Variants in ARFGEF3 observed in about 807,000 individuals in gnomAD.
The protein encoded by ARFGEF3 is brefeldin A-inhibited guanine nucleotide-exchange protein 3.
Under a neutral mutation model 221.7 loss-of-function variants are expected in ARFGEF3, and 96 were observed. That is an observed-to-expected ratio of 0.43 (90% CI 0.37 to 0.51). ARFGEF3 has a LOEUF of 0.51. Ranked by LOEUF, ARFGEF3 falls within the 20% of genes least tolerant of loss-of-function variation. The pLI, the probability that ARFGEF3 is intolerant of heterozygous loss-of-function variation, is 0.00. For missense variants in ARFGEF3, 2,410 were observed against 2,789.9 expected, an observed-to-expected ratio of 0.86 and a Z score of 3.07; for synonymous variants, 1,145 against 1,126.8, an observed-to-expected ratio of 1.02 and a Z score of -0.32.
At chr6:138,239,037 G>A (rs142999240) in intron 6 of ARFGEF3, among the ~76,000 whole-genome samples, 2 of 152,276 alleles carry the variant, frequency 1.3e-5, no homozygotes, top group Admixed American at 1.3e-4. Context: ...AAAAGATGGT[G>A]GCAGGAGGCC....
intron 17 of ARFGEF3, among the ~76,000 whole-genome samples, chr6:138,289,080 AGT>A (rs1395329045): frequency 2.2e-4 from 34 of 152,116 alleles, no homozygotes; most frequent in African/African-American, 7.0e-4. Flanking sequence ...CAGCCTCCTG[AGT>A]AGCTGGGATT....
rs1296031075 is a variant in ARFGEF3, at chr6:138,308,937, G to A, written c.4096+76G>A. The A allele has an allele frequency of 1.0e-5, 16 of 1,559,088 alleles. No individual in the cohort carries two copies. In the Middle Eastern group the frequency reaches 5.0e-4, roughly 49 times the overall value. ...GGGTGGCTCTGTGGCTGGAGACAGG[G>A]CCTACTGACTGTCTGGAACAAGCAC... On this transcript the variant is annotated intron_variant, in intron 24 of 33. Coordinates refer to ENST00000251691, the MANE Select transcript of ARFGEF3 (RefSeq NM_020340.5).
At chr6:138,285,787 T>A in intron 14 of ARFGEF3, among the ~76,000 whole-genome samples, 159 bp from the exon 15 acceptor site, 1 of 152,164 alleles carries the variant, frequency 6.6e-6, no homozygotes, top group East Asian at 1.9e-4. Context: ...ACTGAGGGAA[T>A]AAAGTAAAAT....
Position 138,262,883 on chromosome 6 carries a change from G to T in ARFGEF3, c.1400G>T (p.Trp467Leu), listed in dbSNP as rs1170211381. The T allele has an allele frequency of 6.2e-7, 1 of 1,613,668 alleles. No individual in the cohort carries two copies. Among genetic ancestry groups the T allele is most frequent in the Non-Finnish European group, 8.5e-7 (1 of 1,179,702 alleles). ...GAGGAGCTGAAGGATGGGGCTGAGT[G>T]GAGCCGAGATTCCATGGAGATCAAT... ...RLEELKDGAE[W>L]SRDSMEINEA... Residue 467 changes from tryptophan to leucine, a missense_variant, in exon 12 of 34, where the codon TGG (tryptophan) becomes TTG (leucine). Around this residue, in one of 5 missense-constraint regions of ARFGEF3, gnomAD observed 570 missense variants for 586.9 expected, o/e 0.97. Transcript: ENST00000251691.
At chr6:138,322,098 G>A (rs4895519) in intron 29 of ARFGEF3, among the ~76,000 whole-genome samples, 1 of 152,136 alleles carries the variant, frequency 6.6e-6, no homozygotes, top group Non-Finnish European at 1.5e-5. Context: ...GGAGATAGCA[G>A]AGCAGATGGC....
chr6:138,294,073 C>A lies in ARFGEF3; in HGVS notation c.3449C>A (p.Ser1150Tyr). 6.2e-7 allele frequency: 1 copy of A among 1,613,924 alleles called. No homozygotes were observed. The highest frequency in any genetic ancestry group is 1.1e-5 in the South Asian group (1 of 91,084). Residue 1150 changes from serine to tyrosine, a missense_variant, in exon 20 of 34, where the codon TCT becomes TAT. Ser to Tyr is a moderately radical substitution (Grantham distance 144, BLOSUM62 -2). Coordinates refer to ENST00000251691, the MANE Select transcript of ARFGEF3 (RefSeq NM_020340.5). ...FLYQLKKASQSQLFHSVTDTV... is the reference protein window; with the variant it reads ...FLYQLKKASQYQLFHSVTDTV... ...TACCAGCTGAAGAAAGCATCGCAGTCTCAGCTTTTCCATTCTGTTACAGAT... is the reference window on the plus strand; with the variant it reads ...TACCAGCTGAAGAAAGCATCGCAGTATCAGCTTTTCCATTCTGTTACAGAT...
At position 138,262,855 on chromosome 6, in the gene ARFGEF3, C is replaced by T. The variant is rs1361366341; in HGVS notation, c.1372C>T (p.Leu458Phe). 1.4e-5 allele frequency: 23 copies of T among 1,613,878 alleles called. No homozygotes were observed. The highest frequency in any genetic ancestry group is 1.9e-5 in the Non-Finnish European group (23 of 1,179,882). The change falls in exon 12 of 34, where the codon CTT becomes TTT. Residue 458 changes from leucine (L) to phenylalanine (F), a missense_variant. By Grantham distance (22) the Leu-to-Phe change is conservative (BLOSUM62 0). Coordinates refer to ENST00000251691, the MANE Select transcript of ARFGEF3 (RefSeq NM_020340.5). The part of the protein sequence containing the change: ...EGQVQLLLLR[L>F]EELKDGAEWS... The stretch of plus-strand genomic sequence containing the variant: ...TCAGGTGCAACTGCTGCTTCTGCGC[C>T]TTGAGGAGCTGAAGGATGGGGCTGA...
intron 2 of ARFGEF3, among the ~76,000 whole-genome samples, chr6:138,177,904 G>T (rs1029190138): frequency 6.6e-6 from 1 of 151,774 alleles, no homozygotes; most frequent in African/African-American, 2.4e-5. Flanking sequence ...GATTTTTCTT[G>T]CATCTCATTG....
intron 12 of ARFGEF3, among the ~76,000 whole-genome samples, chr6:138,277,335 A>G (rs1337956287): frequency 6.6e-6 from 1 of 152,198 alleles, no homozygotes; most frequent in Non-Finnish European, 1.5e-5. Flanking sequence ...TACCCATTTT[A>G]TATACATACC....
rs747990315 is a variant in ARFGEF3 at position 138,317,216 on chromosome 6, C to A, written c.4346-35C>A. 15 of 1,602,640 alleles carry A rather than the reference C, an allele frequency of 9.4e-6. No homozygotes were observed. In the South Asian group the frequency reaches 1.7e-4, roughly 18 times the overall value. On this transcript the variant is annotated intron_variant, in intron 26 of 33. Coordinates refer to ENST00000251691, the MANE Select transcript of ARFGEF3 (RefSeq NM_020340.5). ...TGAGATGATTATTCATTGTGTCTAA[C>A]TGGATTTCATACAGGTCTGCTTTTT...
At chr6:138,210,097 C>T in intron 4 of ARFGEF3, 56 bp downstream of exon 4, 2 of 1,568,494 alleles carry the variant, frequency 1.3e-6, no homozygotes, top group Non-Finnish European at 1.7e-6. Context: ...CATCCTGATC[C>T]CCTGCACTTG....
intron 8 of ARFGEF3, among the ~76,000 whole-genome samples, chr6:138,250,812 A>C: frequency 6.6e-6 from 1 of 152,208 alleles, no homozygotes; most frequent in East Asian, 1.9e-4. Flanking sequence ...TGCTCACAGA[A>C]AAGACCAAGA....
At chr6:138,200,536 C>A (rs146476086) in intron 2 of ARFGEF3, among the ~76,000 whole-genome samples, 2,370 of 152,262 alleles carry the variant, frequency 0.016, 34 homozygotes, top group Middle Eastern at 0.058. Context: ...TTGCAGCCAA[C>A]TGATCTTCAA....
chr6:138,206,337 T>G (rs9494964), intron 2 of ARFGEF3, among the ~76,000 whole-genome samples: 1,722 of 149,794 alleles, frequency 0.011, 29 homozygotes, highest in African/African-American at 0.04. Context: ...TATCCAAATA[T>G]CTCTCCTTTT....
chr6:138,240,927 G>A (rs533677823), intron 6 of ARFGEF3, among the ~76,000 whole-genome samples: 1 of 152,162 alleles, frequency 6.6e-6, no homozygotes, highest in East Asian at 1.9e-4. Flanking sequence ...TTTCTAGCAC[G>A]GCCTATCACT....
At chr6:138,247,747 T>C (rs553846465) in intron 8 of ARFGEF3, among the ~76,000 whole-genome samples, 32 of 152,364 alleles carry the variant, frequency 2.1e-4, no homozygotes, top group African/African-American at 7.7e-4. Context: ...CTTATGATAA[T>C]TACTATAATA....
At chr6:138,304,090 A>G (rs7743254) in intron 22 of ARFGEF3, among the ~76,000 whole-genome samples, 4,665 of 152,198 alleles carry the variant, frequency 0.031, 225 homozygotes, top group African/African-American at 0.11. Context: ...AAAGTTAGAA[A>G]CAACTCAGAT....
At chr6:138,239,563 C>A (rs1194890708) in intron 6 of ARFGEF3, among the ~76,000 whole-genome samples, 1 of 150,654 alleles carries the variant, frequency 6.6e-6, no homozygotes, top group East Asian at 2.0e-4. Context: ...GCAGGAGAAT[C>A]GCTTGAACTC....
At position 138,323,656 on chromosome 6, in the gene ARFGEF3, T is replaced by G; in HGVS notation, c.4767-15T>G. 6.2e-7 allele frequency: 1 copy of G among 1,606,974 alleles called. No homozygotes were observed. On this transcript the variant is annotated splice_polypyrimidine_tract_variant and intron_variant, in intron 29 of 33. Coordinates refer to ENST00000251691, the MANE Select transcript of ARFGEF3 (RefSeq NM_020340.5). ...ACAACAAAAAAAAAACTCCTTTACT[T>G]GTTTCTTTTGGCAGATACGTCCTTG...
Sources: allele counts gnomAD v4.1 joint callset (sites outside exome capture counted in the v4.1 genomes callset), GRCh38; gene constraint gnomAD v4.1.1; regional missense constraint gnomAD v4.1.1; transcripts MANE v1.5; gene names NCBI Gene and HGNC (gene_info 2026-07-23, HGNC 2026-07-21).